Variants in SCEL observed in about 807,000 individuals in gnomAD.
SCEL encodes sciellin.
Under a neutral mutation model 117.6 loss-of-function variants are expected in SCEL, and 113 were observed. The ratio of observed to expected loss-of-function variants is 0.96; its 90% CI spans 0.83 to 1.12. The LOEUF (loss-of-function observed/expected upper bound fraction) is 1.12. SCEL is among the 50% of genes most tolerant of loss of function. The pLI, the probability that SCEL is intolerant of heterozygous loss-of-function variation, is 0.00. For synonymous variants in SCEL, 270 were observed against 256.2 expected, an observed-to-expected ratio of 1.05 and a Z score of -0.51; for missense variants, 785 against 810.8, an observed-to-expected ratio of 0.97 and a Z score of 0.39.
chr13:77,545,436 G>A (rs1015742751), intron 1 of SCEL, among the ~76,000 whole-genome samples: 2 of 152,092 alleles, frequency 1.3e-5, no homozygotes, highest in African/African-American at 4.8e-5. Context: ...TGAGAGACTA[G>A]TAATCCCTAA....
intron 31 of SCEL, among the ~76,000 whole-genome samples, chr13:77,641,938 GTTTT>G (rs2090576013): frequency 6.6e-6 from 1 of 151,842 alleles, no homozygotes. Flanking sequence ...TGAGAACAAA[GTTTT>G]TTATTTATGA....
chr13:77,582,632 G>C (rs1280822206), intron 9 of SCEL, among the ~76,000 whole-genome samples: 1 of 152,166 alleles, frequency 6.6e-6, no homozygotes, highest in East Asian at 1.9e-4. Context: ...TCCTTTGTCA[G>C]ATATGTGAAT....
chr13:77,609,916 G>A, intron 21 of SCEL, 131 bp from the exon 22 acceptor site: 1 of 419,294 alleles, frequency 2.4e-6, no homozygotes, highest in Non-Finnish European at 3.9e-6. Context: ...AAAACCCCCA[G>A]CCCTCTGAGA....
intron 15 of SCEL, 39 bp from the exon 16 acceptor site, chr13:77,602,022 CCTCA>C (rs1362183301): frequency 2.0e-6 from 3 of 1,525,864 alleles, no homozygotes; most frequent in South Asian, 2.4e-5. Flanking sequence ...GTTGCTCTTG[CCTCA>C]CTCTCTCTTT....
chr13:77,568,429 T>C, intron 7 of SCEL, 96 bp downstream of exon 7: 1 of 686,996 alleles, frequency 1.5e-6, no homozygotes, highest in Non-Finnish European at 2.5e-6. Context: ...AATACAGCCA[T>C]GCCCCTATTG....
At chr13:77,642,900 A>G in intron 32 of SCEL, 92 bp downstream of exon 32, 3 of 618,156 alleles carry the variant, frequency 4.9e-6, no homozygotes, top group South Asian at 2.8e-5. Context: ...AAAGTAAAAC[A>G]TTTTACTAGT....
chr13:77,563,699 A>G, intron 4 of SCEL, 132 bp from the exon 5 acceptor site: 3 of 596,364 alleles, frequency 5.0e-6, no homozygotes, highest in East Asian at 6.1e-5. Context: ...TTAGAAATCT[A>G]TCTTTCCTTG....
intron 9 of SCEL, among the ~76,000 whole-genome samples, chr13:77,583,900 T>G (rs1452917217): frequency 6.6e-6 from 1 of 152,218 alleles, no homozygotes; most frequent in Non-Finnish European, 1.5e-5. Context: ...TGAAGTAATA[T>G]AGACAGCTTT....
chr13:77,593,481 C>T lies in SCEL; in HGVS notation c.693-33C>T. ...GCTCCTTCAAAAATAGCTCGACTAT[C>T]ATTGACCTGTATTTATTTTTCATTG... On this transcript the variant is annotated intron_variant, in intron 11 of 32. Transcript: ENST00000349847. 8 of 1,545,138 alleles carry T rather than the reference C, an allele frequency of 5.2e-6. No homozygotes were observed. In the South Asian group the frequency reaches 9.1e-5, roughly 18 times the overall value.
chr13:77,603,819 T>C (rs919743642), intron 18 of SCEL, among the ~76,000 whole-genome samples: 1 of 152,190 alleles, frequency 6.6e-6, no homozygotes, highest in African/African-American at 2.4e-5. Context: ...GGAAATGATA[T>C]TTAAAAGGGT....
At chr13:77,554,066 C>G (rs946695185) in intron 1 of SCEL, among the ~76,000 whole-genome samples, 11 of 152,048 alleles carry the variant, frequency 7.2e-5, no homozygotes, top group African/African-American at 2.7e-4. Context: ...TTCTGAGAGG[C>G]ATTTGGGTGC....
intron 1 of SCEL, among the ~76,000 whole-genome samples, chr13:77,553,676 C>T (rs545343284): frequency 7.2e-5 from 11 of 152,114 alleles, no homozygotes; most frequent in African/African-American, 2.4e-4. Context: ...CCCATCCCTT[C>T]CCACATCCAA....
intron 1 of SCEL, among the ~76,000 whole-genome samples, chr13:77,536,198 T>C (rs1452249027): frequency 6.6e-6 from 1 of 152,222 alleles, no homozygotes; most frequent in Non-Finnish European, 1.5e-5. Flanking sequence ...TTAAAGGATC[T>C]TTCTGTTTTC....
At chr13:77,557,144 A>C (rs2084706222) in intron 3 of SCEL, among the ~76,000 whole-genome samples, 1 of 152,222 alleles carries the variant, frequency 6.6e-6, no homozygotes, top group Admixed American at 6.5e-5. Context: ...GTACAAGAGA[A>C]ATTTAAAAAA....
intron 11 of SCEL, among the ~76,000 whole-genome samples, chr13:77,593,295 T>TGTGCACGCGCGC (rs796907419): frequency 5.1e-5 from 7 of 136,784 alleles, no homozygotes; most frequent in African/African-American, 8.4e-5. Flanking sequence ...TGTGTGTGTG[T>TGTGCACGCGCGC]GTCTGTGTGT....
chr13:77,599,459 C>A, intron 14 of SCEL, 71 bp downstream of exon 14: 1 of 1,293,256 alleles, frequency 7.7e-7, no homozygotes, highest in African/African-American at 1.5e-5. Flanking sequence ...CAGACATTAG[C>A]TGCAAGGGGG....
intron 15 of SCEL, among the ~76,000 whole-genome samples, chr13:77,601,618 A>AGTTT (rs1384203394): frequency 6.6e-6 from 1 of 152,252 alleles, no homozygotes; most frequent in Non-Finnish European, 1.5e-5. Flanking sequence ...CCCTTTAAAC[A>AGTTT]CATCTGCTAA....
Position 77,644,761 on chromosome 13 carries a change from A to C in SCEL, c.*487A>C, listed in dbSNP as rs1245123702. ...TTTGGCAGAAAGATGTTAACATAAA[A>C]AGTTTATATACCTCAAAAATCACTA... is the stretch of plus-strand genomic sequence containing the variant. On this transcript the variant is annotated 3_prime_UTR_variant, in exon 33 of 33. Coordinates refer to ENST00000349847, the MANE Select transcript of SCEL (RefSeq NM_144777.3). The C allele has an allele frequency of 6.5e-6, 1 of 152,990 alleles. No individual in the cohort carries two copies. Among genetic ancestry groups the C allele is most frequent in the Non-Finnish European group, 1.5e-5 (1 of 68,640 alleles). The allele number at this position is 152,990 out of a possible 1,614,324, so 9.5% of individuals were successfully genotyped here.
At chr13:77,558,786 C>T (rs2084804100) in intron 3 of SCEL, among the ~76,000 whole-genome samples, 1 of 144,748 alleles carries the variant, frequency 6.9e-6, no homozygotes, top group Non-Finnish European at 1.5e-5. Context: ...CCACTGCACT[C>T]CAGCCTGGGC....
Sources: allele counts gnomAD v4.1 joint callset (sites outside exome capture counted in the v4.1 genomes callset), GRCh38; gene constraint gnomAD v4.1.1; transcripts MANE v1.5; gene names NCBI Gene and HGNC (gene_info 2026-07-23, HGNC 2026-07-21).